GDA: variants seen among roughly 807,000 people sequenced by gnomAD.
GDA encodes the protein cytoplasmic PSD-95 interactor.
Under a neutral mutation model 59.6 loss-of-function variants are expected in GDA, and 18 were observed. The observed-to-expected ratio is 0.30, with a 90% confidence interval of 0.21 to 0.45. The LOEUF (loss-of-function observed/expected upper bound fraction) is 0.45. Among genes scored for constraint, GDA ranks in the 20% least tolerant of loss-of-function variants. GDA has a pLI of 1.00. For missense variants in GDA, 427 were observed against 552.3 expected (o/e 0.77, Z 2.27); for synonymous variants, 201 against 201.1 (o/e 1.00, Z 0.00).
At chr9:72,246,113 G>T (rs1840109938) in intron 12 of GDA, among the ~76,000 whole-genome samples, 1 of 152,172 alleles carries the variant, frequency 6.6e-6, no homozygotes, top group Non-Finnish European at 1.5e-5. Context: ...TATAACAAGA[G>T]ACAGATTTAA....
intron 1 of GDA, among the ~76,000 whole-genome samples, chr9:72,115,252 T>C (rs1049255354): frequency 6.6e-6 from 1 of 152,250 alleles, no homozygotes; most frequent in Admixed American, 6.5e-5. Context: ...CCAGTGTTGC[T>C]TGACCCAGTT....
intron 1 of GDA, among the ~76,000 whole-genome samples, chr9:72,171,365 TA>T (rs1829955221): frequency 6.6e-6 from 1 of 152,210 alleles, no homozygotes; most frequent in East Asian, 1.9e-4. Flanking sequence ...GCATACCATG[TA>T]TATTTGTGTA....
intron 3 of GDA, among the ~76,000 whole-genome samples, chr9:72,208,339 G>A (rs772459202): frequency 3.9e-5 from 6 of 152,166 alleles, no homozygotes; most frequent in South Asian, 2.1e-4. Context: ...CAGGCAAAAC[G>A]TAAGCAAGAG....
In GDA at chr9:72,200,042, G is replaced by C. The variant is rs563831446; in HGVS notation, c.213-2529G>C. Among the ~76,000 whole-genome samples, 11 of 139,260 alleles carry C rather than the reference G, an allele frequency of 7.9e-5. 1 individual carries two copies. The South Asian group carries it at 2.5e-3, about 31-fold the overall frequency. The allele number at this position is 139,260 out of a possible 152,430, so 91.4% of individuals were successfully genotyped here. A position where few individuals can be genotyped will look rare whatever the true frequency, so the allele number is the denominator to read the frequency against. On this transcript the variant is annotated intron_variant, in intron 2 of 13. Coordinates refer to ENST00000358399, the MANE Select transcript of GDA (RefSeq NM_004293.5). ...AGATGGAGTCTCGCTCTGTCACCCA[G>C]GCTGGAGTGCAGTGGCATGATCTCT...
chr9:72,192,223 C>CTT (rs869237933), intron 1 of GDA, among the ~76,000 whole-genome samples: 1,230 of 46,272 alleles, frequency 0.027, 466 homozygotes, highest in African/African-American at 0.067. Flanking sequence ...TTCAAATAGC[C>CTT]TTTTTTTTTT....
intron 1 of GDA, among the ~76,000 whole-genome samples, chr9:72,138,022 GTC>G (rs762938557): frequency 6.6e-6 from 1 of 152,112 alleles, no homozygotes; most frequent in African/African-American, 2.4e-5. Flanking sequence ...CTGCTTCTGT[GTC>G]TCTTTGTTGT....
intron 1 of GDA, among the ~76,000 whole-genome samples, chr9:72,164,309 A>T (rs1040461858): frequency 3.3e-5 from 5 of 152,204 alleles, no homozygotes; most frequent in South Asian, 2.1e-4. Context: ...CATAGAAGGC[A>T]AGAGATGGGG....
At chr9:72,245,538 C>T (rs1170405485) in intron 12 of GDA, among the ~76,000 whole-genome samples, 1 of 152,190 alleles carries the variant, frequency 6.6e-6, no homozygotes, top group Non-Finnish European at 1.5e-5. Flanking sequence ...GTAACTAGCA[C>T]TCATTGAACA....
intron 1 of GDA, among the ~76,000 whole-genome samples, chr9:72,124,619 C>T (rs1328111425): frequency 1.3e-5 from 2 of 152,044 alleles, no homozygotes; most frequent in Non-Finnish European, 2.9e-5. Context: ...AGGCTGCCTT[C>T]CTAGTTACAT....
intron 1 of GDA, 92 bp downstream of exon 1, chr9:72,149,774 C>T (rs1587348554): frequency 4.5e-6 from 6 of 1,330,710 alleles, no homozygotes; most frequent in African/African-American, 1.5e-5. Flanking sequence ...GGGGTTCGCT[C>T]GGTGCGCAGT....
intron 1 of GDA, among the ~76,000 whole-genome samples, chr9:72,126,756 G>A (rs536017447): frequency 6.6e-6 from 1 of 151,900 alleles, no homozygotes; most frequent in East Asian, 1.9e-4. Context: ...TAGTAGAGAC[G>A]GGGTTTCATC....
chr9:72,169,549 C>T (rs1829716917), intron 1 of GDA, among the ~76,000 whole-genome samples: 2 of 152,248 alleles, frequency 1.3e-5, no homozygotes, highest in Admixed American at 1.3e-4. Flanking sequence ...CATGCTTTCT[C>T]CATGTCCACT....
At chr9:72,162,886 T>C (rs1828822596) in intron 1 of GDA, among the ~76,000 whole-genome samples, 1 of 152,164 alleles carries the variant, frequency 6.6e-6, no homozygotes, top group Non-Finnish European at 1.5e-5. Flanking sequence ...CTCGATCTCC[T>C]GACCTCGTGA....
chr9:72,249,099 T>C lies in GDA; in HGVS notation c.*757T>C. ...ATATTATTCATGTAACTCCATGGCA[T>C]AAATAGTTGTATTTTTGTGTACTTT... On this transcript the variant is annotated 3_prime_UTR_variant, in exon 14 of 14. Coordinates refer to ENST00000358399, the MANE Select transcript of GDA (RefSeq NM_004293.5). The C allele has an allele frequency of 1.0e-6, 1 of 975,484 alleles. No individual in the cohort carries two copies. Among genetic ancestry groups the C allele is most frequent in the Non-Finnish European group, 1.2e-6 (1 of 820,504 alleles). 60.4% of individuals were successfully genotyped at this position (975,484 alleles called of 1,614,324 possible).
upstream of GDA, among the ~76,000 whole-genome samples, chr9:72,148,855 G>C (rs1212581030): frequency 6.6e-6 from 1 of 152,068 alleles, no homozygotes; most frequent in Non-Finnish European, 1.5e-5. Flanking sequence ...GTAAATAAAA[G>C]AGATTCATTC....
upstream of GDA, among the ~76,000 whole-genome samples, chr9:72,144,511 C>T (rs1465220697): frequency 6.6e-6 from 1 of 152,184 alleles, no homozygotes; most frequent in Non-Finnish European, 1.5e-5. Context: ...TTCATACAGT[C>T]ATACCCACAG....
At chr9:72,121,769 T>C (rs1446732732) in intron 1 of GDA, among the ~76,000 whole-genome samples, 1 of 152,196 alleles carries the variant, frequency 6.6e-6, no homozygotes, top group Admixed American at 6.5e-5. Flanking sequence ...TCTCAACGCA[T>C]GGAAGCTTGG....
chr9:72,195,014 G>A (rs1187132146), intron 1 of GDA, among the ~76,000 whole-genome samples: 1 of 152,176 alleles, frequency 6.6e-6, no homozygotes, highest in African/African-American at 2.4e-5. Context: ...TAGGGAAGGG[G>A]TAGCATATGC....
chr9:72,134,299 A>G (rs1826141806), intron 1 of GDA, among the ~76,000 whole-genome samples: 1 of 152,162 alleles, frequency 6.6e-6, no homozygotes, highest in South Asian at 2.1e-4. Flanking sequence ...GCAAGGTACT[A>G]TGCCTGCTCT....
Sources: gnomAD v4.1 joint callset for allele counts (sites outside exome capture counted in the v4.1 genomes callset) on GRCh38, gnomAD v4.1.1 for gene constraint, MANE v1.5 for transcripts, NCBI Gene and HGNC (gene_info 2026-07-23, HGNC 2026-07-21) for gene names.